The following MYO9B variants were observed in gnomAD, a reference collection of about 807,000 sequenced individuals.
The protein encoded by MYO9B is myosin IXB, also known as unconventional myosin-IXb.
In MYO9B, 71 loss-of-function variants were observed where a neutral mutation model predicts 229.5. The observed-to-expected ratio is 0.31, with a 90% CI of 0.26 to 0.38. The LOEUF (loss-of-function observed/expected upper bound fraction) is 0.38. MYO9B is among the 10% of genes least tolerant of loss of function. MYO9B has a pLI of 1.00. For missense variants in MYO9B, 2,255 were observed against 2,920.5 expected (o/e 0.77, Z 5.25); for synonymous variants, 1,185 against 1,235.8 (o/e 0.96, Z 0.86).
chr19:17,138,807 G>A (rs1274059103), intron 2 of MYO9B, among the ~76,000 whole-genome samples: 1 of 152,190 alleles, frequency 6.6e-6, no homozygotes, highest in African/African-American at 2.4e-5. Flanking sequence ...TTCGGCTGTA[G>A]GTGTTTAGTA....
At chr19:17,132,213 T>C (rs1202235741) in intron 2 of MYO9B, among the ~76,000 whole-genome samples, 1 of 122,418 alleles carries the variant, frequency 8.2e-6, no homozygotes, top group East Asian at 2.2e-4. Context: ...TGAGACAGAG[T>C]CTTGCTCTGT....
At chr19:17,198,114 C>T in intron 23 of MYO9B, 70 bp from the exon 24 acceptor site, 2 of 1,593,762 alleles carry the variant, frequency 1.3e-6, no homozygotes, top group East Asian at 2.2e-5. Flanking sequence ...TAAATGCCTG[C>T]AGGGGCTTCC....
intron 2 of MYO9B, among the ~76,000 whole-genome samples, chr19:17,127,006 C>T (rs1291549675): frequency 2.2e-5 from 3 of 133,528 alleles, no homozygotes; most frequent in Non-Finnish European, 4.7e-5. Context: ...TTTTTTCTCC[C>T]CTAAGCATTT....
In MYO9B at chr19:17,180,953, G is replaced by A. The variant is rs2072852482; in HGVS notation, c.2246G>A (p.Ser749Asn). Reference protein sequence around the residue: ...YRDLHNQMIKSIKGLPWQGED... With the variant: ...YRDLHNQMIKNIKGLPWQGED... ...GATTTGCATAACCAAATGATCAAGA[G>A]CATCAAAGGATTGCCCTGGCAGGGC... Residue 749 changes from serine (S) to asparagine (N), a missense_variant, in exon 15 of 40, where the codon AGC becomes AAC. Physicochemically the swap from Ser to Asn is conservative, Grantham distance 46. Coordinates refer to ENST00000682292, the MANE Select transcript of MYO9B (RefSeq NM_004145.4). The A allele has an allele frequency of 2.5e-6, 4 of 1,610,136 alleles. No homozygotes were observed. The highest frequency in any genetic ancestry group is 2.7e-5 in the African/African-American group (2 of 74,868).
Position 17,202,199 on chromosome 19 carries a change from A to C in MYO9B, c.4732A>C (p.Thr1578Pro), listed in dbSNP as rs1344458017. 3.1e-6 allele frequency: 5 copies of C among 1,613,220 alleles called. No individual in the cohort carries two copies. Among genetic ancestry groups the C allele is most frequent in the Non-Finnish European group, 4.2e-6 (5 of 1,179,618 alleles). Reference sequence around the variant, plus strand: ...CCAGATCGTCGTCAGCAACCTGGCCACTGAGCGTGGCCAGAAGGACACCAA... The same window carrying C: ...CCAGATCGTCGTCAGCAACCTGGCCCCTGAGCGTGGCCAGAAGGACACCAA... The part of the protein sequence containing the change: ...NYQIVVSNLA[T>P]ERGQKDTNLV... Residue 1578 changes from threonine (T) to proline (P), a missense_variant, in exon 28 of 40, where the codon ACT (threonine) becomes CCT (proline). Physicochemically the swap from Thr to Pro is conservative, Grantham distance 38. Coordinates refer to ENST00000682292, the MANE Select transcript of MYO9B (RefSeq NM_004145.4).
intron 35 of MYO9B, chr19:17,207,480 G>A (rs1885755590): frequency 3.3e-6 from 1 of 301,284 alleles, no homozygotes; most frequent in Non-Finnish European, 6.0e-6. Flanking sequence ...TTTGAAATTG[G>A]AAATTTGTAT....
intron 2 of MYO9B, among the ~76,000 whole-genome samples, chr19:17,111,229 CAT>C (rs1050076192): frequency 4.6e-5 from 7 of 152,162 alleles, no homozygotes; most frequent in South Asian, 2.1e-4. Context: ...CCCCACCTGA[CAT>C]GTGAGGAAAC....
chr19:17,100,963 G>A (rs373570837), intron 1 of MYO9B, among the ~76,000 whole-genome samples: 20 of 151,030 alleles, frequency 1.3e-4, no homozygotes, highest in East Asian at 1.2e-3. Context: ...GGGCCGAGTC[G>A]TCTTCTGCTT....
intron 2 of MYO9B, among the ~76,000 whole-genome samples, chr19:17,104,666 T>A (rs1321896934): frequency 6.6e-6 from 1 of 151,592 alleles, no homozygotes. Flanking sequence ...ATGCCAATGA[T>A]CCTCCCACCT....
chr19:17,090,118 C>CT lies in MYO9B; in HGVS notation c.-58-11499dup, dbSNP rs59440394. On this transcript the variant is annotated intron_variant, in intron 1 of 39. Coordinates refer to ENST00000682292, the MANE Select transcript of MYO9B (RefSeq NM_004145.4). ...TATAGCATGAATCGGTGCTTCCTTC[C>CT]TTTTTTTTTTTTTTTTTTTTTTTTT... Among the ~76,000 whole-genome samples the CT allele has an allele frequency of 5.4e-3, 264 of 49,220 alleles. 64 individuals carry two copies. The highest frequency in any genetic ancestry group is 7.5e-3 in the Non-Finnish European group (203 of 26,914). The allele number at this position is 49,220 out of a possible 152,430, so 32.3% of individuals were successfully genotyped here. A position where few individuals can be genotyped will look rare whatever the true frequency, so the allele number is the denominator to read the frequency against.
rs1186819383 is a variant in MYO9B at position 17,172,103 on chromosome 19, G to A, written c.1794-233G>A. Among the ~76,000 whole-genome samples, 1 of 151,978 alleles carries A rather than the reference G, an allele frequency of 6.6e-6. No homozygotes were observed. Among genetic ancestry groups the A allele is most frequent in the East Asian group, 1.9e-4 (1 of 5,190 alleles). On this transcript the variant is annotated intron_variant, in intron 11 of 39. Coordinates refer to ENST00000682292, the MANE Select transcript of MYO9B (RefSeq NM_004145.4). This position sits in a 1 kb window ranked among gnomAD's most constrained non-coding sequence, Gnocchi z 8.2. Reference sequence around the variant, plus strand: ...GGCAGGCAGGCACACCCAGATAGCAGCGTCCCAGCCCTCTGCCAGCATGTT... The same window carrying A: ...GGCAGGCAGGCACACCCAGATAGCAACGTCCCAGCCCTCTGCCAGCATGTT...
chr19:17,126,709 G>C (rs1471198044), intron 2 of MYO9B, among the ~76,000 whole-genome samples: 1 of 147,396 alleles, frequency 6.8e-6, no homozygotes, highest in Non-Finnish European at 1.5e-5. Flanking sequence ...CTGTTGCCCA[G>C]GCTGGAATGC....
intron 1 of MYO9B, among the ~76,000 whole-genome samples, chr19:17,081,810 CAAAA>C (rs5827357): frequency 1.4e-5 from 1 of 69,920 alleles, no homozygotes; most frequent in Non-Finnish European, 2.6e-5. Context: ...GATCCCATCT[CAAAA>C]AAAAAAAAAA....
intron 31 of MYO9B, 89 bp downstream of exon 31, chr19:17,205,425 C>G: frequency 1.5e-6 from 2 of 1,309,782 alleles, no homozygotes; most frequent in Non-Finnish European, 2.2e-6. Flanking sequence ...GAGGGCCAAG[C>G]GAAGCATTGA....
At chr19:17,158,145 G>A (rs983858995) in intron 7 of MYO9B, among the ~76,000 whole-genome samples, 1 of 152,210 alleles carries the variant, frequency 6.6e-6, no homozygotes, top group Admixed American at 6.5e-5. Context: ...GCAAATGGCA[G>A]TGAGGCCGAG....
At chr19:17,139,899 G>A (rs1469748610) in intron 2 of MYO9B, among the ~76,000 whole-genome samples, 2 of 152,114 alleles carry the variant, frequency 1.3e-5, no homozygotes, top group African/African-American at 4.8e-5. Context: ...AAATTAGCCG[G>A]GTGTGGTGGT....
In MYO9B at chr19:17,155,244, G is replaced by A. The variant is rs187355315; in HGVS notation, c.1199+829G>A. 1.9e-3 allele frequency among the ~76,000 whole-genome samples: 288 copies of A among 151,736 alleles called. 2 individuals are homozygous for A. The highest frequency in any genetic ancestry group is 6.6e-3 in the African/African-American group (275 of 41,368). Reference sequence around the variant, plus strand: ...GCTCTTTCACCTAAGCTGGAGTGAAGTGGCGAGATCATGGCTCACTGCAGC... The same window carrying A: ...GCTCTTTCACCTAAGCTGGAGTGAAATGGCGAGATCATGGCTCACTGCAGC... On this transcript the variant is annotated intron_variant, in intron 6 of 39. Transcript: ENST00000682292.
In MYO9B at chr19:17,192,913, C is replaced by G; in HGVS notation, c.2979C>G (p.Tyr993Ter). The G allele has an allele frequency of 6.5e-7, 1 of 1,550,064 alleles. No individual in the cohort carries two copies. The highest frequency in any genetic ancestry group is 8.7e-7 in the Non-Finnish European group (1 of 1,147,028). The change falls in exon 21 of 40, where the codon TAC becomes TAG. Residue 993 changes from tyrosine (Y) to a stop codon, truncating the protein, a stop_gained. Coordinates refer to ENST00000682292, the MANE Select transcript of MYO9B (RefSeq NM_004145.4). LOFTEE classifies it high-confidence loss of function. ...AVTIQACWRS[Y>*]RVRRALERTQ... ...CCATCCAGGCCTGCTGGCGGTCCTA[C>G]CGGGTCCGGAGGGCGCTGGAGAGGA...
chr19:17,141,210 G>A (rs2072334818), intron 2 of MYO9B, among the ~76,000 whole-genome samples: 1 of 151,998 alleles, frequency 6.6e-6, no homozygotes, highest in Non-Finnish European at 1.5e-5. Flanking sequence ...GTCTCTCTGT[G>A]TCATTGTGTC....
Sources: allele counts gnomAD v4.1 joint callset (sites outside exome capture counted in the v4.1 genomes callset), GRCh38; gene constraint gnomAD v4.1.1; non-coding constraint Gnocchi (gnomAD v3.1); transcripts MANE v1.5; gene names NCBI Gene and HGNC (gene_info 2026-07-23, HGNC 2026-07-21).